The following OSBP variants were observed in gnomAD, a reference collection of about 807,000 sequenced individuals.
The protein encoded by OSBP is oxysterol binding protein, also known as oxysterol-binding protein 1.
In OSBP, 32 loss-of-function variants were observed where a neutral mutation model predicts 96.6. The ratio of observed to expected loss-of-function variants is 0.33; its 90% CI spans 0.25 to 0.45. The LOEUF is 0.45. Among genes scored for constraint, OSBP ranks in the 20% least tolerant of loss-of-function variants. The pLI, the probability that OSBP is intolerant of heterozygous loss-of-function variation, is 1.00. For synonymous variants in OSBP, 369 were observed against 389.6 expected, an observed-to-expected ratio of 0.95 and a Z score of 0.62; for missense variants, 653 against 1,029.7, an observed-to-expected ratio of 0.63 and a Z score of 5.01.
intron 3 of OSBP, among the ~76,000 whole-genome samples, chr11:59,602,422 G>C (rs1860734967): frequency 6.6e-6 from 1 of 152,106 alleles, no homozygotes; most frequent in African/African-American, 2.4e-5. Context: ...AAGCCTACTT[G>C]AAAAATCAAA....
At chr11:59,581,403 A>G (rs778826761) in intron 10 of OSBP, 48 bp downstream of exon 10, 8 of 1,053,358 alleles carry the variant, frequency 7.6e-6, no homozygotes, top group Non-Finnish European at 1.2e-5. Context: ...ATATACCTAA[A>G]GAAGTATTCT....
In OSBP at chr11:59,615,693, C is replaced by T; in HGVS notation, c.-29G>A. On this transcript the variant is annotated 5_prime_UTR_variant, in exon 1 of 14. Transcript: ENST00000263847. Reference sequence around the variant, plus strand: ...CCGCCGCCGCCTGGAGATACAAGACCGGAACCGCCTACGAGAGCCGCCGTC... The same window carrying T: ...CCGCCGCCGCCTGGAGATACAAGACTGGAACCGCCTACGAGAGCCGCCGTC... The T allele has an allele frequency of 7.8e-7, 1 of 1,287,112 alleles. No homozygotes were observed. Among genetic ancestry groups the T allele is most frequent in the Non-Finnish European group, 9.8e-7 (1 of 1,019,158 alleles). The allele number at this position is 1,287,112 out of a possible 1,614,324, so 79.7% of individuals were successfully genotyped here. A position where few individuals can be genotyped will look rare whatever the true frequency, so the allele number is the denominator to read the frequency against.
At chr11:59,613,599 A>G (rs1290979568) in intron 1 of OSBP, among the ~76,000 whole-genome samples, 2 of 152,242 alleles carry the variant, frequency 1.3e-5, no homozygotes, top group African/African-American at 2.4e-5. Flanking sequence ...ATGATGGTCA[A>G]TAATAACAGG....
chr11:59,601,523 G>T, intron 4 of OSBP, 117 bp downstream of exon 4: 1 of 1,161,610 alleles, frequency 8.6e-7, no homozygotes, highest in Non-Finnish European at 1.3e-6. Context: ...AAATCAATGG[G>T]TTCCAATTCC....
intron 5 of OSBP, 53 bp from the exon 6 acceptor site, chr11:59,600,926 T>A: frequency 6.8e-7 from 1 of 1,480,154 alleles, no homozygotes. Flanking sequence ...AACTAGAGTG[T>A]GGTCCTGGAC....
rs1009785560 is a variant in OSBP, at chr11:59,601,562, G to A, written c.1021+78C>T. 5 of 1,352,336 alleles carry A rather than the reference G, an allele frequency of 3.7e-6. No individual in the cohort carries two copies. The African/African-American group carries it at 5.8e-5, about 16-fold the overall frequency. The allele number at this position is 1,352,336 out of a possible 1,614,324, so 83.8% of individuals were successfully genotyped here. ...TCACATGACTCATTGACTGTGAAGAGTTTGGAGTTCTCCTATCAACTGCAG... is the reference window on the plus strand; with the variant it reads ...TCACATGACTCATTGACTGTGAAGAATTTGGAGTTCTCCTATCAACTGCAG... On this transcript the variant is annotated intron_variant, in intron 4 of 13. Transcript: ENST00000263847.
chr11:59,591,144 C>T (rs1277352950), intron 9 of OSBP, among the ~76,000 whole-genome samples: 2 of 152,012 alleles, frequency 1.3e-5, no homozygotes, highest in African/African-American at 4.8e-5. Flanking sequence ...ATTTTGTTTT[C>T]CTGTTATTTA....
chr11:59,579,560 C>T (rs1032524536), intron 11 of OSBP, among the ~76,000 whole-genome samples: 11 of 150,560 alleles, frequency 7.3e-5, no homozygotes, highest in African/African-American at 2.4e-4. Flanking sequence ...CTCGAACTCC[C>T]GACCTCAGGT....
intron 11 of OSBP, among the ~76,000 whole-genome samples, chr11:59,579,100 C>T (rs1860391106): frequency 6.6e-6 from 1 of 152,126 alleles, no homozygotes; most frequent in South Asian, 2.1e-4. Context: ...ATACACGTAG[C>T]AAAAGCATCT....
In OSBP at chr11:59,601,389, CAAG is replaced by C. The variant is rs1264615411; in HGVS notation, c.1022-7_1022-5del. On this transcript the variant is annotated splice_region_variant and splice_polypyrimidine_tract_variant and intron_variant, in intron 4 of 13. Transcript: ENST00000263847. ...CCTTTGCCAGAGCAGCACTGATCTA[CAAG>C]AAGAAAAGCCCCATTTGTTGACTTT... 1.3e-6 allele frequency: 2 copies of C among 1,599,990 alleles called. No individual in the cohort carries two copies. The highest frequency in any genetic ancestry group is 1.7e-6 in the Non-Finnish European group (2 of 1,169,258).
At chr11:59,601,181 G>A (rs1860720240) in intron 5 of OSBP, 102 bp downstream of exon 5, 3 of 670,274 alleles carry the variant, frequency 4.5e-6, no homozygotes, top group Non-Finnish European at 7.7e-6. Context: ...TACTCTCACT[G>A]AAATGTTTTT....
intron 7 of OSBP, among the ~76,000 whole-genome samples, chr11:59,596,426 A>G (rs1393684712): frequency 6.6e-6 from 1 of 152,152 alleles, no homozygotes; most frequent in African/African-American, 2.4e-5. Context: ...CTTTTCACAC[A>G]CACACAGCCT....
Position 59,574,762 on chromosome 11 carries a change from C to T in OSBP, c.*1815G>A, listed in dbSNP as rs1015957020. 4.6e-5 allele frequency: 7 copies of T among 152,656 alleles called. No homozygotes were observed. The highest frequency in any genetic ancestry group is 7.4e-5 in the Non-Finnish European group (5 of 68,016). 9.5% of individuals were successfully genotyped at this position (152,656 alleles called of 1,614,324 possible). A position where few individuals can be genotyped will look rare whatever the true frequency, so the allele number is the denominator to read the frequency against. On this transcript the variant is annotated 3_prime_UTR_variant, in exon 14 of 14. Coordinates refer to ENST00000263847, the MANE Select transcript of OSBP (RefSeq NM_002556.3). The stretch of plus-strand genomic sequence containing the variant: ...GAGGAAATTCCCCAGCAGTCAAAGT[C>T]ACTCCTCTCCCATGTTTATCACAAC...
At chr11:59,587,900 G>A (rs983373595) in intron 9 of OSBP, among the ~76,000 whole-genome samples, 1 of 152,046 alleles carries the variant, frequency 6.6e-6, no homozygotes, top group Non-Finnish European at 1.5e-5. Context: ...TAAGACTTTA[G>A]GCAAAGAGAT....
intron 1 of OSBP, among the ~76,000 whole-genome samples, chr11:59,614,189 C>T (rs1212748451): frequency 2.6e-5 from 4 of 152,200 alleles, no homozygotes. Context: ...ATTCATTTCA[C>T]ACTAACCTGA....
intron 9 of OSBP, among the ~76,000 whole-genome samples, chr11:59,589,932 G>A (rs548901517): frequency 1.3e-4 from 19 of 151,990 alleles, no homozygotes; most frequent in Admixed American, 3.3e-4. Context: ...GCAGTGAGCC[G>A]AGATTGCGCC....
chr11:59,586,261 G>A (rs1248451921), intron 9 of OSBP, among the ~76,000 whole-genome samples: 1 of 151,254 alleles, frequency 6.6e-6, no homozygotes, highest in African/African-American at 2.4e-5. Flanking sequence ...CAAAAATTAG[G>A]TGCATTTCTA....
chr11:59,580,540 T>TGAAAGGTAAA (rs1860408355), intron 10 of OSBP, among the ~76,000 whole-genome samples: 6 of 152,218 alleles, frequency 3.9e-5, no homozygotes, highest in Non-Finnish European at 8.8e-5. Context: ...GAAGTACACA[T>TGAAAGGTAAA]GATAATTTAC....
intron 9 of OSBP, among the ~76,000 whole-genome samples, chr11:59,582,417 T>A (rs1402881194): frequency 6.6e-6 from 1 of 152,108 alleles, no homozygotes; most frequent in Non-Finnish European, 1.5e-5. Context: ...GGTGAATAGA[T>A]CAGTGTGCCA....
Sources: gnomAD v4.1 joint callset for allele counts (sites outside exome capture counted in the v4.1 genomes callset) on GRCh38, gnomAD v4.1.1 for gene constraint, MANE v1.5 for transcripts, NCBI Gene and HGNC (gene_info 2026-07-23, HGNC 2026-07-21) for gene names.